Variants in GDF11 observed in about 807,000 individuals in gnomAD.
The protein encoded by GDF11 is growth differentiation factor 11, also known as growth/differentiation factor 11.
Under a neutral mutation model 34.4 loss-of-function variants are expected in GDF11, and 12 were observed. The observed-to-expected ratio is 0.35, with a 90% confidence interval of 0.22 to 0.57. The LOEUF (loss-of-function observed/expected upper bound fraction) is 0.57, where lower values mean the gene tolerates loss of function less well. GDF11 is among the 20% of genes least tolerant of loss of function. The pLI is 0.86. For synonymous variants in GDF11, 212 were observed against 231.1 expected (o/e 0.92, Z 0.75); for missense variants, 346 against 548.2 (o/e 0.63, Z 3.68).
In GDF11 at chr12:55,750,198, AAG is replaced by A. The variant is rs1040597445; in HGVS notation, c.*323_*324del. ...CAAAAAGAGCAGCAGTGAGAAGGCAAAGAGAGAGGCAGAAGAGACAGACGAGG... is the reference window on the plus strand; with the variant it reads ...CAAAAAGAGCAGCAGTGAGAAGGCAAAGAGAGGCAGAAGAGACAGACGAGG... On this transcript the variant is annotated 3_prime_UTR_variant, in exon 3 of 3. Coordinates refer to ENST00000257868, the MANE Select transcript of GDF11 (RefSeq NM_005811.5). 13 of 305,870 alleles carry A rather than the reference AAG, an allele frequency of 4.3e-5. No individual in the cohort carries two copies. The highest frequency in any genetic ancestry group is 1.9e-4 in the Admixed American group (4 of 21,134). 18.9% of individuals were successfully genotyped at this position (305,870 alleles called of 1,614,324 possible).
In GDF11 at chr12:55,751,195, A is replaced by G. The variant is rs1004689355; in HGVS notation, c.*1313A>G. 1 of 152,262 alleles carries G rather than the reference A, an allele frequency of 6.6e-6. No homozygotes were observed. The highest frequency in any genetic ancestry group is 1.5e-5 in the Non-Finnish European group (1 of 68,116). The allele number at this position is 152,262 out of a possible 1,614,324, so 9.4% of individuals were successfully genotyped here. A position where few individuals can be genotyped will look rare whatever the true frequency, so the allele number is the denominator to read the frequency against. On this transcript the variant is annotated 3_prime_UTR_variant, in exon 3 of 3. Transcript: ENST00000257868. ...GGAGAACAAGGAAGCAGAGTGTATA[A>G]TTATTTTTTCCTTTTATTTTTGGAA...
chr12:55,757,261 A>C lies in GDF11; in HGVS notation c.*7379A>C, dbSNP rs1878535473. On this transcript the variant is annotated 3_prime_UTR_variant, in exon 3 of 3. Transcript: ENST00000257868. The stretch of plus-strand genomic sequence containing the variant: ...AATAAATCAAAGGAGCACCTAATAA[A>C]ACACATTGTTCTCTTTTCTATTTTT... The C allele has an allele frequency of 2.9e-6, 1 of 349,370 alleles. No homozygotes were observed. The highest frequency in any genetic ancestry group is 5.2e-6 in the Non-Finnish European group (1 of 191,324). The allele number at this position is 349,370 out of a possible 1,614,324, so 21.6% of individuals were successfully genotyped here. A position where few individuals can be genotyped will look rare whatever the true frequency, so the allele number is the denominator to read the frequency against.
Position 55,743,320 on chromosome 12 carries a change from G to C in GDF11, c.4G>C (p.Val2Leu), listed in dbSNP as rs1878100212. 1.0e-6 allele frequency: 1 copy of C among 985,816 alleles called. No homozygotes were observed. Among genetic ancestry groups the C allele is most frequent in the Non-Finnish European group, 1.2e-6 (1 of 831,698 alleles). The allele number at this position is 985,816 out of a possible 1,614,324, so 61.1% of individuals were successfully genotyped here. The change falls in exon 1 of 3, where the codon GTG becomes CTG. Residue 2 changes from valine (V) to leucine (L), a missense_variant. By Grantham distance (32) the Val-to-Leu change is conservative. Around this residue, in one of 3 missense-constraint regions of GDF11, gnomAD observed 141 missense variants for 213.8 expected, o/e 0.66. Transcript: ENST00000257868. ...CCTCCCTCCCCTCCCCTCCAGCATG[G>C]TGCTCGCGGCCCCGCTGCTGCTGGG... M[V>L]LAAPLLLGFL...
chr12:55,749,646 A>G lies in GDF11; in HGVS notation c.988A>G (p.Ile330Val). The G allele has an allele frequency of 6.2e-7, 1 of 1,614,086 alleles. No individual in the cohort carries two copies. ...CTTTGAGGCTTTCGGCTGGGACTGG[A>G]TCATCGCACCTAAGCGCTACAAGGC... ...VDFEAFGWDWIIAPKRYKANY... is the reference protein window; with the variant it reads ...VDFEAFGWDWVIAPKRYKANY... Residue 330 changes from isoleucine to valine, a missense_variant, in exon 3 of 3, where the codon ATC becomes GTC. By Grantham distance (29) the Ile-to-Val change is conservative. Around this residue, in one of 3 missense-constraint regions of GDF11, gnomAD observed 205 missense variants for 311.3 expected, o/e 0.66. Coordinates refer to ENST00000257868, the MANE Select transcript of GDF11 (RefSeq NM_005811.5). This position sits in a 1 kb window ranked among gnomAD's most constrained non-coding sequence, Gnocchi z 5.6.
In GDF11 at chr12:55,743,450, G is replaced by C; in HGVS notation, c.134G>C (p.Gly45Ala). 7.9e-7 allele frequency: 1 copy of C among 1,260,890 alleles called. No homozygotes were observed. Among genetic ancestry groups the C allele is most frequent in the Non-Finnish European group, 1.0e-6 (1 of 997,912 alleles). The allele number at this position is 1,260,890 out of a possible 1,614,324, so 78.1% of individuals were successfully genotyped here. A position where few individuals can be genotyped will look rare whatever the true frequency, so the allele number is the denominator to read the frequency against. The change falls in exon 1 of 3, where the codon GGG becomes GCG. Residue 45 changes from glycine to alanine, a missense_variant. Gly to Ala is a moderately conservative substitution (Grantham distance 60). This residue lies in a region of GDF11 where 141 missense variants were observed against 213.8 expected (regional missense o/e 0.66). Transcript: ENST00000257868. ...GCGGCGGCAGCGGCGGGGGTCGGGG[G>C]GGAGCGCTCCAGCCGGCCAGCCCCG... ...AAAAAAAGVG[G>A]ERSSRPAPSV...
rs186406237 is a variant in GDF11, at chr12:55,752,243, G to A, written c.*2361G>A. 2.0e-5 allele frequency: 3 copies of A among 152,304 alleles called. No homozygotes were observed. Among genetic ancestry groups the A allele is most frequent in the African/African-American group, 7.2e-5 (3 of 41,546 alleles). 9.4% of individuals were successfully genotyped at this position (152,304 alleles called of 1,614,324 possible). A position where few individuals can be genotyped will look rare whatever the true frequency, so the allele number is the denominator to read the frequency against. ...GGTCAAATGCCTCGTGATCTTGGCAGAGTAGGGATTGGGCAATAAGCATCA... is the reference window on the plus strand; with the variant it reads ...GGTCAAATGCCTCGTGATCTTGGCAAAGTAGGGATTGGGCAATAAGCATCA... On this transcript the variant is annotated 3_prime_UTR_variant, in exon 3 of 3. Transcript: ENST00000257868.
rs1878279401 is a variant in GDF11, at chr12:55,750,262, TAATA to T, written c.*384_*387del. Reference sequence around the variant, plus strand: ...CACTGAGAAAGAGACTGAAATGGAGTAATAAATGAAAGCCCCACACCAAGCCTCC... The same window carrying T: ...CACTGAGAAAGAGACTGAAATGGAGTAATGAAAGCCCCACACCAAGCCTCC... On this transcript the variant is annotated 3_prime_UTR_variant, in exon 3 of 3. Transcript: ENST00000257868. 5.4e-6 allele frequency: 1 copy of T among 185,552 alleles called. No individual in the cohort carries two copies. The highest frequency in any genetic ancestry group is 1.1e-5 in the Non-Finnish European group (1 of 90,366). The allele number at this position is 185,552 out of a possible 1,614,324, so 11.5% of individuals were successfully genotyped here. A position where few individuals can be genotyped will look rare whatever the true frequency, so the allele number is the denominator to read the frequency against.
Position 55,753,428 on chromosome 12 carries a change from T to C in GDF11, c.*3546T>C, listed in dbSNP as rs1878391184. 6.6e-6 allele frequency: 1 copy of C among 152,200 alleles called. No homozygotes were observed. The highest frequency in any genetic ancestry group is 6.5e-5 in the Admixed American group (1 of 15,276). The allele number at this position is 152,200 out of a possible 1,614,324, so 9.4% of individuals were successfully genotyped here. On this transcript the variant is annotated 3_prime_UTR_variant, in exon 3 of 3. Coordinates refer to ENST00000257868, the MANE Select transcript of GDF11 (RefSeq NM_005811.5). ...CCTAGAGCACAATTCCCCAGGAATA[T>C]GAGTTGGGAATGGCAAAAGAATATT...
rs1251184262 is a variant in GDF11, at chr12:55,751,843, C to G, written c.*1961C>G. On this transcript the variant is annotated 3_prime_UTR_variant, in exon 3 of 3. Coordinates refer to ENST00000257868, the MANE Select transcript of GDF11 (RefSeq NM_005811.5). ...GTACTGAACTAAAGTAAAGCCCAAG[C>G]TGGTGAGCAAAACTGGATGGCTCAT... is the stretch of plus-strand genomic sequence containing the variant. 1 of 152,242 alleles carries G rather than the reference C, an allele frequency of 6.6e-6. No individual in the cohort carries two copies. The highest frequency in any genetic ancestry group is 1.5e-5 in the Non-Finnish European group (1 of 68,078). 9.4% of individuals were successfully genotyped at this position (152,242 alleles called of 1,614,324 possible). A position where few individuals can be genotyped will look rare whatever the true frequency, so the allele number is the denominator to read the frequency against.
chr12:55,755,633 G>C lies in GDF11; in HGVS notation c.*5751G>C, dbSNP rs1306580214. The C allele has an allele frequency of 1.3e-5, 2 of 152,080 alleles. No homozygotes were observed. The highest frequency in any genetic ancestry group is 4.8e-5 in the African/African-American group (2 of 41,416). 9.4% of individuals were successfully genotyped at this position (152,080 alleles called of 1,614,324 possible). A position where few individuals can be genotyped will look rare whatever the true frequency, so the allele number is the denominator to read the frequency against. On this transcript the variant is annotated 3_prime_UTR_variant, in exon 3 of 3. Coordinates refer to ENST00000257868, the MANE Select transcript of GDF11 (RefSeq NM_005811.5). ...CAAACGGAATTACTATTTTAAAACT[G>C]AATTGGGAAAAAGGCATCCTGAACT...
chr12:55,751,748 G>A lies in GDF11; in HGVS notation c.*1866G>A, dbSNP rs991295419. ...AAGAGCTTAGAGGATGTCAGGAGAG[G>A]TGGGGGTAAGAATCTTCAGCAAAAC... On this transcript the variant is annotated 3_prime_UTR_variant, in exon 3 of 3. Coordinates refer to ENST00000257868, the MANE Select transcript of GDF11 (RefSeq NM_005811.5). 6.6e-6 allele frequency: 1 copy of A among 152,210 alleles called. No homozygotes were observed. The highest frequency in any genetic ancestry group is 2.4e-5 in the African/African-American group (1 of 41,440). The allele number at this position is 152,210 out of a possible 1,614,324, so 9.4% of individuals were successfully genotyped here. A position where few individuals can be genotyped will look rare whatever the true frequency, so the allele number is the denominator to read the frequency against.
Position 55,743,754 on chromosome 12 carries a change from C to G in GDF11, c.438C>G (p.Ala146=). ...CCACCGAGACCGTCATTAGCATGGC[C>G]CAGGAGAGTAAGTGGGCTGCGGGGC... ...HATTETVISM[A]QETDPAVQTD... Residue 146 remains alanine (A), a synonymous_variant, in exon 1 of 3, where the codon GCC becomes GCG. Transcript: ENST00000257868. 1 of 1,555,472 alleles carries G rather than the reference C, an allele frequency of 6.4e-7. No homozygotes were observed. Among genetic ancestry groups the G allele is most frequent in the Non-Finnish European group, 8.7e-7 (1 of 1,153,634 alleles).
chr12:55,743,873 C>A (rs1878121138), intron 1 of GDF11, 112 bp downstream of exon 1: 6 of 866,376 alleles, frequency 6.9e-6, no homozygotes, highest in Non-Finnish European at 1.0e-5. Flanking sequence ...GCTTTTTCTG[C>A]GAAAACTTGA....
rs893480763 is a variant in GDF11 at position 55,753,653 on chromosome 12, C to T, written c.*3771C>T. The T allele has an allele frequency of 3.3e-5, 5 of 151,770 alleles. No individual in the cohort carries two copies. The highest frequency in any genetic ancestry group is 1.2e-4 in the African/African-American group (5 of 41,230). 9.4% of individuals were successfully genotyped at this position (151,770 alleles called of 1,614,324 possible). The stretch of plus-strand genomic sequence containing the variant: ...GGCGTGGTGGCGTGCGCCTGTAATC[C>T]CAGCTACATGGAAGGCTGAGGCAGA... On this transcript the variant is annotated 3_prime_UTR_variant, in exon 3 of 3. Transcript: ENST00000257868.
At chr12:55,745,802 T>G (rs1487406650) in intron 1 of GDF11, among the ~76,000 whole-genome samples, 1 of 150,072 alleles carries the variant, frequency 6.7e-6, no homozygotes, top group Non-Finnish European at 1.5e-5. Flanking sequence ...CTGCCCTAGT[T>G]CCCTCTACCC....
In GDF11 at chr12:55,754,983, A is replaced by G. The variant is rs1390319603; in HGVS notation, c.*5101A>G. On this transcript the variant is annotated 3_prime_UTR_variant, in exon 3 of 3. Transcript: ENST00000257868. ...AAGAGATAACAAGAAAGTTAGGGAC[A>G]CCTTGGACTCAAAGAATCTGGAAAG... 2.6e-5 allele frequency: 4 copies of G among 152,208 alleles called. No individual in the cohort carries two copies. Among genetic ancestry groups the G allele is most frequent in the African/African-American group, 9.7e-5 (4 of 41,436 alleles). 9.4% of individuals were successfully genotyped at this position (152,208 alleles called of 1,614,324 possible).
rs1878455469 is a variant in GDF11, at chr12:55,754,870, G to A, written c.*4988G>A. ...TGGTAGAATAAGAAATTAAACCTAAGTAGTTGCTAAACAATATTACATTCT... is the reference window on the plus strand; with the variant it reads ...TGGTAGAATAAGAAATTAAACCTAAATAGTTGCTAAACAATATTACATTCT... On this transcript the variant is annotated 3_prime_UTR_variant, in exon 3 of 3. Coordinates refer to ENST00000257868, the MANE Select transcript of GDF11 (RefSeq NM_005811.5). 1 of 152,172 alleles carries A rather than the reference G, an allele frequency of 6.6e-6. No homozygotes were observed. Among genetic ancestry groups the A allele is most frequent in the African/African-American group, 2.4e-5 (1 of 41,432 alleles). 9.4% of individuals were successfully genotyped at this position (152,172 alleles called of 1,614,324 possible).
At position 55,749,443 on chromosome 12, in the gene GDF11, A is replaced by G. The variant is rs1349886349; in HGVS notation, c.844-59A>G. ...TGCCCCTGGCAGGTGGGAAAGGAAC[A>G]GGGAAGAGGAACTGTTCAGGACCAT... On this transcript the variant is annotated intron_variant, in intron 2 of 2. Coordinates refer to ENST00000257868, the MANE Select transcript of GDF11 (RefSeq NM_005811.5). The surrounding 1 kb of genome is among the most constrained non-coding windows in gnomAD (Gnocchi z 5.6). The G allele has an allele frequency of 5.3e-6, 8 of 1,521,138 alleles. No homozygotes were observed. The African/African-American group carries it at 9.7e-5, about 18-fold the overall frequency. The allele number at this position is 1,521,138 out of a possible 1,614,324, so 94.2% of individuals were successfully genotyped here.
At position 55,754,821 on chromosome 12, in the gene GDF11, C is replaced by G. The variant is rs1161972883; in HGVS notation, c.*4939C>G. 1 of 152,222 alleles carries G rather than the reference C, an allele frequency of 6.6e-6. No homozygotes were observed. The allele number at this position is 152,222 out of a possible 1,614,324, so 9.4% of individuals were successfully genotyped here. On this transcript the variant is annotated 3_prime_UTR_variant, in exon 3 of 3. Coordinates refer to ENST00000257868, the MANE Select transcript of GDF11 (RefSeq NM_005811.5). ...TACAGTCTGAAAAGAGAATGATTAT[C>G]TGCGCAGGGTCTCAGAGCTAGTGTG...
Sources: gnomAD v4.1 joint callset for allele counts (sites outside exome capture counted in the v4.1 genomes callset) on GRCh38, gnomAD v4.1.1 for gene constraint, gnomAD v4.1.1 regional missense constraint, Gnocchi (gnomAD v3.1) non-coding constraint, MANE v1.5 for transcripts, NCBI Gene and HGNC (gene_info 2026-07-23, HGNC 2026-07-21) for gene names.